The following FYB1 variants were observed in gnomAD, a reference collection of about 807,000 sequenced individuals.
FYB1 encodes the protein FYN binding protein 1, also known as FYN-binding protein 1.
Under a neutral mutation model 94.1 loss-of-function variants are expected in FYB1, and 41 were observed. That is an observed-to-expected ratio of 0.44 (90% CI 0.34 to 0.57). The LOEUF (loss-of-function observed/expected upper bound fraction) is 0.57. FYB1 is among the 20% of genes least tolerant of loss of function. FYB1 has a pLI of 0.02. For synonymous variants in FYB1, 367 were observed against 353.2 expected, an observed-to-expected ratio of 1.04 and a Z score of -0.44; for missense variants, 1,050 against 976.8, an observed-to-expected ratio of 1.07 and a Z score of -1.00.
At chr5:39,183,017 G>C (rs971789484) in intron 2 of FYB1, among the ~76,000 whole-genome samples, 1 of 152,144 alleles carries the variant, frequency 6.6e-6, no homozygotes, top group Admixed American at 6.5e-5. Flanking sequence ...TAGGTGTCTT[G>C]TTTCCTTTTT....
intron 6 of FYB1, 126 bp from the exon 7 acceptor site, chr5:39,137,846 G>GA: frequency 3.1e-6 from 4 of 1,282,858 alleles, no homozygotes; most frequent in Non-Finnish European, 4.3e-6. Context: ...GGTAAAAAGC[G>GA]AAAGGTTGTC....
chr5:39,202,052 C>A lies in FYB1; in HGVS notation c.909G>T (p.Glu303Asp). The A allele has an allele frequency of 6.2e-7, 1 of 1,614,062 alleles. No individual in the cohort carries two copies. The highest frequency in any genetic ancestry group is 8.5e-7 in the Non-Finnish European group (1 of 1,179,904). The change falls in exon 2 of 19, where the codon GAG becomes GAT. Residue 303 changes from glutamate (E) to aspartate (D), a missense_variant. Coordinates refer to ENST00000512982, the MANE Select transcript of FYB1 (RefSeq NM_001465.6). ...TGGCAGGAGGAGTCCCTGAGGCCAA[C>A]TCTTCCTGATTTATTTTGCTCTGGA... is the stretch of plus-strand genomic sequence containing the variant. Reference protein sequence around the residue: ...NTFQSKINQEELASGTPPARF... With the variant: ...NTFQSKINQEDLASGTPPARF...
Position 39,229,213 on chromosome 5 carries a change from T to C in FYB1, c.-27-26226A>G, listed in dbSNP as rs16868375. Among the ~76,000 whole-genome samples the C allele has an allele frequency of 0.012, 1,822 of 152,228 alleles. 163 individuals are homozygous for C. In the East Asian group the frequency reaches 0.21, roughly 17 times the overall value. Reference sequence around the variant, plus strand: ...GGGCTGATACTCCCTTACTAAAGGATCCATGTAAAACACAGTAGGACTCTG... The same window carrying C: ...GGGCTGATACTCCCTTACTAAAGGACCCATGTAAAACACAGTAGGACTCTG... On this transcript the variant is annotated intron_variant, in intron 1 of 1. Coordinates refer to the FYB1 transcript ENST00000510188.
chr5:39,176,653 A>AGAT (rs1305371797), intron 2 of FYB1, among the ~76,000 whole-genome samples: 2 of 152,258 alleles, frequency 1.3e-5, no homozygotes, highest in Non-Finnish European at 2.9e-5. Flanking sequence ...ATCTTTAAAA[A>AGAT]GATAAATGCT....
Position 39,129,434 on chromosome 5 carries a change from G to A in FYB1, c.1840+1156C>T, listed in dbSNP as rs1357033536. Among the ~76,000 whole-genome samples the A allele has an allele frequency of 2.6e-5, 4 of 151,468 alleles. No individual in the cohort carries two copies. In the East Asian group the frequency reaches 7.7e-4, roughly 29 times the overall value. ...CATGACTAACACCCCAAAAGCACAGGCAACAAAAACAAAAATAGACAAATG... is the reference window on the plus strand; with the variant it reads ...CATGACTAACACCCCAAAAGCACAGACAACAAAAACAAAAATAGACAAATG... On this transcript the variant is annotated intron_variant, in intron 10 of 18. Coordinates refer to ENST00000512982, the MANE Select transcript of FYB1 (RefSeq NM_001465.6).
chr5:39,269,479 A>G (rs201510130), intron 1 of FYB1, among the ~76,000 whole-genome samples: 1 of 152,304 alleles, frequency 6.6e-6, no homozygotes, highest in East Asian at 1.9e-4. Context: ...AGGGTCATGC[A>G]CTAACATTTC....
intron 2 of FYB1, among the ~76,000 whole-genome samples, chr5:39,175,170 C>G (rs1188389201): frequency 6.6e-6 from 1 of 152,124 alleles, no homozygotes; most frequent in Non-Finnish European, 1.5e-5. Flanking sequence ...GAAAAGAGAA[C>G]AGAATGGAGA....
At chr5:39,223,901 T>G (rs13171671), upstream of FYB1, among the ~76,000 whole-genome samples, 98,469 of 151,918 alleles carry the variant, frequency 0.65, 36,542 homozygotes, top group Non-Finnish European at 0.83. Flanking sequence ...AATTTTCTAC[T>G]GTCCCTATCT....
intron 1 of FYB1, among the ~76,000 whole-genome samples, chr5:39,256,490 G>C (rs903599229): frequency 4.6e-5 from 7 of 152,196 alleles, no homozygotes; most frequent in African/African-American, 1.7e-4. Flanking sequence ...TGTTTTATGG[G>C]AATGCCCTAC....
chr5:39,273,728 G>A (rs982763070), intron 1 of FYB1, among the ~76,000 whole-genome samples: 1 of 152,162 alleles, frequency 6.6e-6, no homozygotes, highest in Non-Finnish European at 1.5e-5. Flanking sequence ...TGCAATGAAT[G>A]AGTCTGCCCC....
At chr5:39,174,065 C>T (rs1184447892) in intron 2 of FYB1, among the ~76,000 whole-genome samples, 1 of 152,138 alleles carries the variant, frequency 6.6e-6, no homozygotes, top group Non-Finnish European at 1.5e-5. Flanking sequence ...GATATCAATT[C>T]TTCCAATCCA....
intron 1 of FYB1, among the ~76,000 whole-genome samples, chr5:39,262,427 TA>T (rs1434582248): frequency 1.3e-5 from 2 of 152,186 alleles, no homozygotes; most frequent in African/African-American, 4.8e-5. Context: ...AAATTAAAAC[TA>T]AAACAATAAT....
chr5:39,120,701 TA>T (rs1344907701), intron 14 of FYB1, among the ~76,000 whole-genome samples: 1 of 152,124 alleles, frequency 6.6e-6, no homozygotes, highest in Non-Finnish European at 1.5e-5. Context: ...AAAATTAGAA[TA>T]TATTAATTTT....
intron 10 of FYB1, 74 bp from the exon 11 acceptor site, chr5:39,127,881 T>A: frequency 7.2e-7 from 1 of 1,397,596 alleles, no homozygotes; most frequent in South Asian, 1.4e-5. Context: ...AGATTTTAAT[T>A]GTAAATCTTC....
intron 1 of FYB1, among the ~76,000 whole-genome samples, chr5:39,264,733 T>C (rs1214286303): frequency 2.6e-5 from 4 of 152,138 alleles, no homozygotes; most frequent in South Asian, 4.1e-4. Context: ...TTCAGTTTCA[T>C]TGGTTTCGGG....
intron 1 of FYB1, among the ~76,000 whole-genome samples, chr5:39,243,281 AT>A (rs1280220457): frequency 6.6e-6 from 1 of 151,932 alleles, no homozygotes; most frequent in African/African-American, 2.4e-5. Context: ...TAGGTCTAAC[AT>A]TTAAGTCTTT....
In FYB1 at chr5:39,163,885, T is replaced by C. The variant is rs77690658; in HGVS notation, c.1136-10281A>G. Among the ~76,000 whole-genome samples, 728 of 152,286 alleles carry C rather than the reference T, an allele frequency of 4.8e-3. 46 individuals are homozygous for C. The East Asian group carries it at 0.12, about 26-fold the overall frequency. Reference sequence around the variant, plus strand: ...CAAATATGAAAAGTTATTTTAAAAGTGTACTAATAACTTCTATAGGAGCAA... The same window carrying C: ...CAAATATGAAAAGTTATTTTAAAAGCGTACTAATAACTTCTATAGGAGCAA... On this transcript the variant is annotated intron_variant, in intron 2 of 18. Coordinates refer to ENST00000512982, the MANE Select transcript of FYB1 (RefSeq NM_001465.6).
rs530722470 is a variant in FYB1, at chr5:39,156,515, G to A, written c.1136-2911C>T. ...TAGTTTTGGACAATTGTCAAAGATA[G>A]TTTGAAAGACATAATGAGGCACTAA... On this transcript the variant is annotated intron_variant, in intron 2 of 18. Coordinates refer to ENST00000512982, the MANE Select transcript of FYB1 (RefSeq NM_001465.6). Among the ~76,000 whole-genome samples the A allele has an allele frequency of 3.7e-4, 57 of 152,274 alleles. No individual in the cohort carries two copies. In the South Asian group the frequency reaches 8.3e-3, roughly 22 times the overall value.
intron 16 of FYB1, among the ~76,000 whole-genome samples, chr5:39,112,588 T>C (rs1739169642): frequency 6.6e-6 from 1 of 152,058 alleles, no homozygotes; most frequent in Admixed American, 6.6e-5. Flanking sequence ...TTTATTTGCT[T>C]ACGCTTTTAG....
Sources: allele counts gnomAD v4.1 joint callset (sites outside exome capture counted in the v4.1 genomes callset), GRCh38; gene constraint gnomAD v4.1.1; transcripts MANE v1.5; gene names NCBI Gene and HGNC (gene_info 2026-07-23, HGNC 2026-07-21).